Variants in TRMT11 observed in about 807,000 individuals in gnomAD.
TRMT11 encodes the protein tRNA (guanine(10)-N(2))-methyltransferase TRMT11.
A neutral mutation model predicts 62.8 loss-of-function variants in TRMT11; 53 were observed. That is an observed-to-expected ratio of 0.84 (90% CI 0.68 to 1.06). The LOEUF is 1.06. Among genes scored for constraint, TRMT11 ranks in the 50% least tolerant of loss-of-function variants. The pLI is 0.00. For synonymous variants in TRMT11, 188 were observed against 190.3 expected (o/e 0.99, Z 0.10); for missense variants, 556 against 553.4 (o/e 1.00, Z -0.05).
downstream of TRMT11, among the ~76,000 whole-genome samples, chr6:126,202,573 G>A (rs568927574): frequency 2.0e-5 from 3 of 152,206 alleles, no homozygotes; most frequent in Admixed American, 6.5e-5. Context: ...AATATAAAAT[G>A]TCTTTTGGTT....
intron 1 of TRMT11, among the ~76,000 whole-genome samples, chr6:125,992,596 C>A (rs1156805130): frequency 1.3e-5 from 2 of 152,150 alleles, no homozygotes; most frequent in African/African-American, 2.4e-5. Context: ...GTTCACCTAA[C>A]CTGATGAGGT....
chr6:126,165,303 G>A (rs924740794), intron 21 of TRMT11, among the ~76,000 whole-genome samples: 1 of 151,612 alleles, frequency 6.6e-6, no homozygotes, highest in Non-Finnish European at 1.5e-5. Context: ...ATTGCTATGT[G>A]TGAATTTGAT....
At chr6:126,167,366 G>A (rs1778280830) in intron 21 of TRMT11, among the ~76,000 whole-genome samples, 2 of 152,198 alleles carry the variant, frequency 1.3e-5, no homozygotes, top group African/African-American at 4.8e-5. Context: ...GGCTAGGGGA[G>A]GAAGTTCTCT....
chr6:126,059,926 T>C (rs1270608709), intron 17 of TRMT11, among the ~76,000 whole-genome samples: 1 of 152,196 alleles, frequency 6.6e-6, no homozygotes, highest in Non-Finnish European at 1.5e-5. Context: ...TGGAACTGCA[T>C]GTCACCACAT....
chr6:126,179,012 A>G, intron 1 of TRMT11, among the ~76,000 whole-genome samples: 1 of 152,104 alleles, frequency 6.6e-6, no homozygotes, highest in South Asian at 2.1e-4. Flanking sequence ...TTGGGAAGTG[A>G]TTGGAGGAAT....
the TRMT11 span, among the ~76,000 whole-genome samples, chr6:126,226,105 G>C: frequency 6.6e-6 from 1 of 151,942 alleles, no homozygotes; most frequent in Non-Finnish European, 1.5e-5. Flanking sequence ...AATTTACTTG[G>C]GCTTTTATGA....
At chr6:126,135,658 C>A (rs1210691585) in intron 21 of TRMT11, among the ~76,000 whole-genome samples, 1 of 151,654 alleles carries the variant, frequency 6.6e-6, no homozygotes, top group Non-Finnish European at 1.5e-5. Context: ...TAAGCTAATA[C>A]CAAAACCAGA....
intron 21 of TRMT11, among the ~76,000 whole-genome samples, chr6:126,153,452 T>A (rs1313907854): frequency 6.6e-6 from 1 of 152,216 alleles, no homozygotes; most frequent in African/African-American, 2.4e-5. Flanking sequence ...TCAAGATTTT[T>A]ATAAAAATAA....
At chr6:126,099,509 A>C (rs1452695773) in intron 17 of TRMT11, among the ~76,000 whole-genome samples, 1 of 152,176 alleles carries the variant, frequency 6.6e-6, no homozygotes, top group African/African-American at 2.4e-5. Context: ...CATGGATGGC[A>C]AGTTGGATCC....
intron 17 of TRMT11, among the ~76,000 whole-genome samples, chr6:126,108,835 C>T (rs991671501): frequency 2.0e-5 from 3 of 152,140 alleles, no homozygotes; most frequent in African/African-American, 4.8e-5. Context: ...TCTCAGGTGC[C>T]TTGCTAATGG....
the TRMT11 span, among the ~76,000 whole-genome samples, chr6:126,225,273 GT>G: frequency 2.6e-5 from 4 of 152,126 alleles, no homozygotes; most frequent in Admixed American, 2.6e-4. Flanking sequence ...TGACCAGGGG[GT>G]TTATGGCTTC....
chr6:126,247,679 G>T, the TRMT11 span, among the ~76,000 whole-genome samples: 1 of 150,652 alleles, frequency 6.6e-6, no homozygotes, highest in Non-Finnish European at 1.5e-5. Flanking sequence ...ATAAGTGCTG[G>T]GATAAAACCT....
intron 16 of TRMT11, among the ~76,000 whole-genome samples, chr6:126,048,918 C>T (rs1776135486): frequency 6.6e-6 from 1 of 152,170 alleles, no homozygotes; most frequent in Non-Finnish European, 1.5e-5. Context: ...CATTTGACTC[C>T]AGCCACACCA....
chr6:126,194,308 G>C (rs1473403481), intron 1 of TRMT11, among the ~76,000 whole-genome samples: 1 of 152,104 alleles, frequency 6.6e-6, no homozygotes, highest in Non-Finnish European at 1.5e-5. Context: ...CTCTTAATAT[G>C]TGCTTTATAT....
chr6:126,225,273 G>A, the TRMT11 span, among the ~76,000 whole-genome samples: 1 of 152,126 alleles, frequency 6.6e-6, no homozygotes, highest in South Asian at 2.1e-4. Flanking sequence ...TGACCAGGGG[G>A]TTTATGGCTT....
chr6:126,224,174 A>G, the TRMT11 span, among the ~76,000 whole-genome samples: 1 of 152,218 alleles, frequency 6.6e-6, no homozygotes, highest in Non-Finnish European at 1.5e-5. Context: ...GTTAAGAACC[A>G]TTGCTGGAGA....
At chr6:126,266,713 A>C in the TRMT11 span, among the ~76,000 whole-genome samples, 1 of 152,206 alleles carries the variant, frequency 6.6e-6, no homozygotes, top group East Asian at 1.9e-4. Context: ...TCTGGAACAT[A>C]ATCAAATTTT....
At chr6:126,131,758 A>G (rs1030847531) in intron 21 of TRMT11, among the ~76,000 whole-genome samples, 1 of 151,922 alleles carries the variant, frequency 6.6e-6, no homozygotes, top group Admixed American at 6.6e-5. Flanking sequence ...TCAGATCACA[A>G]TGCTTTTTGT....
intron 21 of TRMT11, among the ~76,000 whole-genome samples, chr6:126,168,412 A>G (rs748676683): frequency 2.0e-5 from 3 of 152,246 alleles, no homozygotes; most frequent in Non-Finnish European, 4.4e-5. Context: ...ATGGAGCTAT[A>G]GGAATAAATG....
Sources: allele counts gnomAD v4.1 joint callset (sites outside exome capture counted in the v4.1 genomes callset), GRCh38; gene constraint gnomAD v4.1.1; transcripts MANE v1.5; gene names NCBI Gene and HGNC (gene_info 2026-07-23, HGNC 2026-07-21).